The following RMST variants were observed in gnomAD, a reference collection of about 807,000 sequenced individuals.
The protein encoded by RMST is rhabdomyosarcoma 2 associated transcript.
chr12:97,492,318 G>A (rs764535591), intron 5 of RMST: 5 of 167,678 alleles, frequency 3.0e-5, no homozygotes, highest in Non-Finnish European at 6.6e-5. Flanking sequence ...TTTTAACCAA[G>A]ATGTCACATA....
intron 10 of RMST, chr12:97,530,323 C>G (rs1313704938): frequency 1.3e-5 from 2 of 152,034 alleles, no homozygotes; most frequent in Non-Finnish European, 2.9e-5. Flanking sequence ...AACTCAAAAC[C>G]CTAGGAACTA....
chr12:97,557,734 T>A (rs1236238573), intron 11 of RMST, among the ~76,000 whole-genome samples: 1 of 152,098 alleles, frequency 6.6e-6, no homozygotes, highest in Non-Finnish European at 1.5e-5. Context: ...CTTTGCTGGG[T>A]GTGCTTAGAG....
intron 10 of RMST, among the ~76,000 whole-genome samples, chr12:97,524,000 C>T (rs1270881744): frequency 7.3e-5 from 10 of 137,894 alleles, no homozygotes; most frequent in South Asian, 4.9e-4. Flanking sequence ...GGCGTGACCC[C>T]GGGAGGCGGA....
chr12:97,542,219 T>C (rs1022478326), intron 11 of RMST, among the ~76,000 whole-genome samples: 2 of 151,976 alleles, frequency 1.3e-5, no homozygotes, highest in East Asian at 3.9e-4. Context: ...GATCATAAGA[T>C]TGATATGAGA....
intron 10 of RMST, among the ~76,000 whole-genome samples, chr12:97,512,506 A>G (rs1879472051): frequency 2.0e-5 from 3 of 152,194 alleles, no homozygotes; most frequent in Admixed American, 2.0e-4. Flanking sequence ...ACAATCCCTG[A>G]GCTAGACACA....
chr12:97,464,168 G>A (rs1173485534), intron 4 of RMST, among the ~76,000 whole-genome samples: 1 of 152,182 alleles, frequency 6.6e-6, no homozygotes, highest in Non-Finnish European at 1.5e-5. Context: ...ACAAAAATGA[G>A]TCCAGGACAT....
intron 11 of RMST, among the ~76,000 whole-genome samples, chr12:97,543,277 AAC>A (rs1435549104): frequency 6.6e-6 from 1 of 151,976 alleles, no homozygotes; most frequent in East Asian, 1.9e-4. Context: ...TTTTGTCAAA[AAC>A]AGTCGAATGT....
intron 11 of RMST, among the ~76,000 whole-genome samples, chr12:97,548,012 T>C (rs767034929): frequency 1.3e-5 from 2 of 152,102 alleles, no homozygotes; most frequent in Non-Finnish European, 2.9e-5. Context: ...TCTAATCTAG[T>C]AGTTCTACAT....
intron 10 of RMST, chr12:97,530,610 C>G (rs2136587070): frequency 6.6e-6 from 1 of 152,206 alleles, no homozygotes; most frequent in African/African-American, 2.4e-5. Context: ...TTTATCTGCT[C>G]TGGTTGCAAT....
Position 97,504,028 on chromosome 12 carries a change from C to T in RMST, n.1340+7972C>T, listed in dbSNP as rs112306191. Reference sequence around the variant, plus strand: ...GCAACCTCTGCCTCCTGGGTTCAAGCGATTCTCAGGCATGTGCCACCACGC... The same window carrying T: ...GCAACCTCTGCCTCCTGGGTTCAAGTGATTCTCAGGCATGTGCCACCACGC... On this transcript the variant is annotated intron_variant and non_coding_transcript_variant, in intron 10 of 13. Transcript: ENST00000640149. Among the ~76,000 whole-genome samples, 865 of 152,226 alleles carry T rather than the reference C, an allele frequency of 5.7e-3. 11 individuals carry two copies. Among genetic ancestry groups the T allele is most frequent in the African/African-American group, 0.019 (792 of 41,550 alleles).
intron 10 of RMST, among the ~76,000 whole-genome samples, chr12:97,504,402 TCAAAAAA>T (rs1878441193): frequency 8.0e-6 from 1 of 125,230 alleles, no homozygotes; most frequent in Non-Finnish European, 1.6e-5. Context: ...AGACTTCATT[TCAAAAAA>T]AAAAAAAAAA....
At chr12:97,477,338 A>G (rs1053367827) in intron 5 of RMST, among the ~76,000 whole-genome samples, 5 of 152,192 alleles carry the variant, frequency 3.3e-5, no homozygotes, top group African/African-American at 1.2e-4. Flanking sequence ...TTTCATGAAG[A>G]CTTGGAGCCA....
chr12:97,499,232 T>C (rs1361211540), intron 10 of RMST, among the ~76,000 whole-genome samples: 1 of 152,256 alleles, frequency 6.6e-6, no homozygotes, highest in Non-Finnish European at 1.5e-5. Context: ...TCTTTATTTT[T>C]GGATATACAT....
rs1555229933 is a variant in RMST at position 97,482,743 on chromosome 12, T to TTTATTTATTAAATAAATTTATA, written n.645-9708_645-9687dup. Among the ~76,000 whole-genome samples, 123 of 141,910 alleles carry TTTATTTATTAAATAAATTTATA rather than the reference T, an allele frequency of 8.7e-4. 1 individual carries two copies. The highest frequency in any genetic ancestry group is 1.6e-3 in the Non-Finnish European group (102 of 65,386). The allele number at this position is 141,910 out of a possible 152,430, so 93.1% of individuals were successfully genotyped here. A position where few individuals can be genotyped will look rare whatever the true frequency, so the allele number is the denominator to read the frequency against. On this transcript the variant is annotated intron_variant and non_coding_transcript_variant, in intron 5 of 13. Coordinates refer to ENST00000640149, the Ensembl canonical transcript of RMST. ...TTATTTATTAAATAAATTTATATTATTTATTTATTAAATAAATTTATATTA... is the reference window on the plus strand; with the variant it reads ...TTATTTATTAAATAAATTTATATTATTTATTTATTAAATAAATTTATATTATTTATTAAATAAATTTATATTA...
chr12:97,522,640 C>G (rs1367145355), intron 10 of RMST, among the ~76,000 whole-genome samples: 1 of 152,050 alleles, frequency 6.6e-6, no homozygotes, highest in African/African-American at 2.4e-5. Context: ...GTCATGAAAT[C>G]AACTTAGTAG....
Position 97,505,540 on chromosome 12 carries a change from C to T in RMST, n.1340+9484C>T, listed in dbSNP as rs144332261. Among the ~76,000 whole-genome samples, 970 of 152,194 alleles carry T rather than the reference C, an allele frequency of 6.4e-3. 5 individuals are homozygous for T. Among genetic ancestry groups the T allele is most frequent in the African/African-American group, 0.022 (898 of 41,520 alleles). On this transcript the variant is annotated intron_variant and non_coding_transcript_variant, in intron 10 of 13. Transcript: ENST00000640149. ...CACAAGTGGTTTCTTTCATGCAAACCGTAAATATAAATGGTGGCAAAGCTA... is the reference window on the plus strand; with the variant it reads ...CACAAGTGGTTTCTTTCATGCAAACTGTAAATATAAATGGTGGCAAAGCTA...
intron 5 of RMST, among the ~76,000 whole-genome samples, chr12:97,487,607 G>T (rs1208983769): frequency 6.6e-6 from 1 of 152,158 alleles, no homozygotes; most frequent in African/African-American, 2.4e-5. Flanking sequence ...AATAATGTTT[G>T]TTGAAGATAC....
intron 10 of RMST, among the ~76,000 whole-genome samples, chr12:97,503,781 G>GTACAGACACACTTTC (rs1186610378): frequency 6.6e-6 from 1 of 152,172 alleles, no homozygotes; most frequent in East Asian, 1.9e-4. Context: ...TCTTATTTTT[G>GTACAGACACACTTTC]TACAGACACA....
intron 4 of RMST, chr12:97,465,174 A>T (rs1873035997): frequency 1.3e-5 from 2 of 152,182 alleles, no homozygotes; most frequent in East Asian, 1.9e-4. Context: ...AGAAGTCAGG[A>T]GTAGTTTGTC....
Sources: allele counts gnomAD v4.1 joint callset (sites outside exome capture counted in the v4.1 genomes callset), GRCh38; gene constraint gnomAD v4.1.1; transcripts MANE v1.5; gene names NCBI Gene and HGNC (gene_info 2026-07-23, HGNC 2026-07-21).